The following HKDC1 variants were observed in gnomAD, a reference collection of about 807,000 sequenced individuals.
HKDC1 encodes hexokinase domain containing 1.
A neutral mutation model predicts 96.6 loss-of-function variants in HKDC1; 66 were observed. The ratio of observed to expected loss-of-function variants is 0.68; its 90% CI spans 0.56 to 0.84. The LOEUF (loss-of-function observed/expected upper bound fraction) is 0.84, where lower values mean the gene tolerates loss of function less well. HKDC1 is among the 40% of genes least tolerant of loss of function. HKDC1 has a pLI of 0.00. For synonymous variants in HKDC1, 466 were observed against 473.1 expected, an observed-to-expected ratio of 0.98 and a Z score of 0.20; for missense variants, 1,211 against 1,208.1, an observed-to-expected ratio of 1.00 and a Z score of -0.04.
At position 69,248,560 on chromosome 10, in the gene HKDC1, A is replaced by G. The variant is rs200770622; in HGVS notation, c.1402A>G (p.Lys468Glu). Residue 468 changes from lysine (K) to glutamate (E), a missense_variant, in exon 10 of 18, where the codon AAG becomes GAG. Transcript: ENST00000354624. ...GGCCTCCCGCGTGCAGGCCCAGCGGAAGCAGATCGACAGGGTGCTGGCTTT... is the reference window on the plus strand; with the variant it reads ...GGCCTCCCGCGTGCAGGCCCAGCGGGAGCAGATCGACAGGGTGCTGGCTTT... Reference protein sequence around the residue: ...AVASRVQAQRKQIDRVLALFQ... With the variant: ...AVASRVQAQREQIDRVLALFQ... 4.4e-5 allele frequency: 71 copies of G among 1,613,952 alleles called. No homozygotes were observed. The highest frequency in any genetic ancestry group is 5.6e-5 in the Non-Finnish European group (66 of 1,180,028).
intron 16 of HKDC1, among the ~76,000 whole-genome samples, chr10:69,264,374 C>T (rs1843857546): frequency 6.7e-6 from 1 of 150,366 alleles, no homozygotes; most frequent in South Asian, 2.1e-4. Context: ...CACGCAAACT[C>T]ATCTTTTTTT....
chr10:69,233,156 A>C (rs5030970), intron 4 of HKDC1, 23 bp downstream of exon 4: 1 of 1,612,358 alleles, frequency 6.2e-7, no homozygotes, highest in South Asian at 1.1e-5. Context: ...GGGAAGCAGC[A>C]GTGCAGGAAT....
chr10:69,255,119 G>A (rs1039958487), intron 12 of HKDC1, among the ~76,000 whole-genome samples: 8 of 152,236 alleles, frequency 5.3e-5, no homozygotes, highest in African/African-American at 1.7e-4. Context: ...TCAGGACACT[G>A]GGCCTTTGGG....
rs923490364 is a variant in HKDC1 at position 69,266,648 on chromosome 10, C to T, written c.2645C>T (p.Ala882Val). The T allele has an allele frequency of 6.2e-7, 1 of 1,614,088 alleles. No individual in the cohort carries two copies. Among genetic ancestry groups the T allele is most frequent in the Non-Finnish European group, 8.5e-7 (1 of 1,179,964 alleles). ...TTGCAGGAAACTGTGAAGGAACTAGCCCCTCGATGTGATGTGACATTCATG... is the reference window on the plus strand; with the variant it reads ...TTGCAGGAAACTGTGAAGGAACTAGTCCCTCGATGTGATGTGACATTCATG... ...RILQETVKELAPRCDVTFMLS... is the reference protein window; with the variant it reads ...RILQETVKELVPRCDVTFMLS... The change falls in exon 18 of 18, where the codon GCC (alanine) becomes GTC (valine). Residue 882 changes from alanine (A) to valine (V), a missense_variant. Ala to Val is a moderately conservative substitution (Grantham distance 64). Coordinates refer to ENST00000354624, the MANE Select transcript of HKDC1 (RefSeq NM_025130.4).
At chr10:69,251,087 C>CTTTTTT (rs869084452) in intron 12 of HKDC1, among the ~76,000 whole-genome samples, 196 of 92,622 alleles carry the variant, frequency 2.1e-3, no homozygotes, top group Non-Finnish European at 3.2e-3. Context: ...AAATACATTT[C>CTTTTTT]TTTTTTTTTT....
At chr10:69,264,083 A>G (rs1204454207) in intron 16 of HKDC1, among the ~76,000 whole-genome samples, 2 of 152,134 alleles carry the variant, frequency 1.3e-5, no homozygotes, top group East Asian at 3.9e-4. Context: ...GCTTGAACCC[A>G]GGAAGCGGGT....
chr10:69,220,909 G>A (rs1277958432), intron 1 of HKDC1, among the ~76,000 whole-genome samples: 1 of 152,226 alleles, frequency 6.6e-6, no homozygotes, highest in Non-Finnish European at 1.5e-5. Flanking sequence ...TAGCACTTTA[G>A]GAGGCCGAGG....
intron 15 of HKDC1, 86 bp from the exon 16 acceptor site, chr10:69,261,053 G>C: frequency 1.6e-6 from 2 of 1,255,418 alleles, no homozygotes; most frequent in Non-Finnish European, 2.3e-6. Flanking sequence ...CTTGCTCCAT[G>C]CGTAGCTCCA....
At chr10:69,221,872 C>T (rs1414966044) in intron 1 of HKDC1, among the ~76,000 whole-genome samples, 2 of 151,538 alleles carry the variant, frequency 1.3e-5, no homozygotes, top group African/African-American at 4.9e-5. Flanking sequence ...GACTGCGCTA[C>T]TGCACTCCAG....
chr10:69,225,229 G>C (rs1454891991), intron 1 of HKDC1, among the ~76,000 whole-genome samples: 2 of 152,138 alleles, frequency 1.3e-5, no homozygotes, highest in African/African-American at 4.8e-5. Flanking sequence ...ATACTCTCAG[G>C]CTAAGCAAAA....
chr10:69,247,187 A>G (rs1049752181), intron 8 of HKDC1, among the ~76,000 whole-genome samples, 173 bp from the exon 9 acceptor site: 2 of 152,176 alleles, frequency 1.3e-5, no homozygotes, highest in Non-Finnish European at 2.9e-5. Flanking sequence ...GCTCATGGTG[A>G]CTGCTCAGTT....
At chr10:69,247,311 A>G (rs762747329) in intron 8 of HKDC1, 49 bp from the exon 9 acceptor site, 25 of 1,240,930 alleles carry the variant, frequency 2.0e-5, no homozygotes, top group Non-Finnish European at 3.0e-5. Context: ...CCAGGAGGAT[A>G]CCAGTGGGAT....
chr10:69,240,805 G>A (rs1843445876), intron 6 of HKDC1, 54 bp downstream of exon 6: 1 of 1,373,362 alleles, frequency 7.3e-7, no homozygotes, highest in African/African-American at 1.4e-5. Context: ...CTGTTTGGGA[G>A]TTTCATTTCA....
intron 10 of HKDC1, 117 bp downstream of exon 10, chr10:69,248,845 A>C: frequency 1.1e-6 from 1 of 888,552 alleles, no homozygotes; most frequent in South Asian, 1.8e-5. Flanking sequence ...AATGGAGGGC[A>C]AGAGTAAGAA....
chr10:69,225,181 T>C (rs565158791), intron 1 of HKDC1, among the ~76,000 whole-genome samples: 23 of 152,282 alleles, frequency 1.5e-4, no homozygotes, highest in African/African-American at 5.3e-4. Context: ...AGGACTTACA[T>C]GGCAGGGATA....
intron 16 of HKDC1, among the ~76,000 whole-genome samples, chr10:69,264,985 G>T (rs1264384161): frequency 6.6e-6 from 1 of 150,416 alleles, no homozygotes; most frequent in African/African-American, 2.5e-5. Context: ...GGTTCTGATT[G>T]TATTTTGTAT....
At chr10:69,236,598 T>G (rs530577269) in intron 4 of HKDC1, among the ~76,000 whole-genome samples, 4 of 151,406 alleles carry the variant, frequency 2.6e-5, no homozygotes, top group Non-Finnish European at 4.4e-5. Flanking sequence ...CTGACCAACA[T>G]GGAGAAACCC....
chr10:69,260,987 C>T, intron 15 of HKDC1, 152 bp from the exon 16 acceptor site: 1 of 615,636 alleles, frequency 1.6e-6, no homozygotes, highest in Non-Finnish European at 2.8e-6. Context: ...TAGATGATAG[C>T]TTGCAGTGCT....
At chr10:69,240,527 G>A (rs1327339916) in intron 5 of HKDC1, 125 bp from the exon 6 acceptor site, 1 of 698,142 alleles carries the variant, frequency 1.4e-6, no homozygotes, top group Non-Finnish European at 2.5e-6. Flanking sequence ...CTTCAGACAG[G>A]CCCAGCAGGC....
Sources: allele counts gnomAD v4.1 joint callset (sites outside exome capture counted in the v4.1 genomes callset), GRCh38; gene constraint gnomAD v4.1.1; transcripts MANE v1.5; gene names NCBI Gene and HGNC (gene_info 2026-07-23, HGNC 2026-07-21).